Variants in UNC13A observed in about 807,000 individuals in gnomAD.
UNC13A encodes protein unc-13 homolog A.
Under a neutral mutation model 219.7 loss-of-function variants are expected in UNC13A, and 61 were observed. The observed-to-expected ratio is 0.28, with a 90% CI of 0.23 to 0.34. UNC13A has a LOEUF of 0.34. Ranked by LOEUF, UNC13A falls within the 10% of genes least tolerant of loss-of-function variation. The probability of loss-of-function intolerance (pLI) is 1.00; values close to 1 mark genes in which losing one functional copy is unlikely to be tolerated. For missense variants in UNC13A, 1,476 were observed against 2,270.3 expected (o/e 0.65, Z 7.11); for synonymous variants, 920 against 884.6 (o/e 1.04, Z -0.71).
At chr19:17,624,124 T>C (rs1283440126) in intron 35 of UNC13A, among the ~76,000 whole-genome samples, 1 of 148,922 alleles carries the variant, frequency 6.7e-6, no homozygotes, top group Non-Finnish European at 1.5e-5. Flanking sequence ...TGCCTTCTCT[T>C]TTTTTTTTTT....
chr19:17,647,166 C>T (rs924747234), intron 17 of UNC13A, 99 bp downstream of exon 17: 6 of 1,130,986 alleles, frequency 5.3e-6, no homozygotes, highest in Middle Eastern at 3.0e-4. Context: ...CGAGTGAGTG[C>T]GCGCTGCAAA....
At chr19:17,626,469 A>T in intron 34 of UNC13A, 164 bp downstream of exon 34, 1 of 677,352 alleles carries the variant, frequency 1.5e-6, no homozygotes, top group Non-Finnish European at 2.3e-6. Flanking sequence ...TTATTTACCC[A>T]CCCAACTTTC....
rs527945586 is a variant in UNC13A, at chr19:17,617,712, T to C, written c.4548A>G (p.Gln1516=). Residue 1516 remains glutamine (Q), a synonymous_variant, in exon 41 of 44, where the codon CAA becomes CAG. Coordinates refer to ENST00000519716, the MANE Select transcript of UNC13A (RefSeq NM_001080421.3). ...TCTGGGTACCCTTACCCTGGGCCGATTGCGTCTGTACAAAGGTCTTGATTA... is the reference window on the plus strand; with the variant it reads ...TCTGGGTACCCTTACCCTGGGCCGACTGCGTCTGTACAAAGGTCTTGATTA... The part of the protein sequence containing the change: ...DLLIKTFVQT[Q]SAQGLGVEDP... 5.2e-5 allele frequency: 84 copies of C among 1,613,734 alleles called. No homozygotes were observed. The highest frequency in any genetic ancestry group is 3.8e-4 in the East Asian group (17 of 44,872).
rs1459988276 is a variant in UNC13A, at chr19:17,606,182, C to T, written c.4984G>A (p.Asp1662Asn). 4 of 1,566,580 alleles carry T rather than the reference C, an allele frequency of 2.6e-6. No homozygotes were observed. The highest frequency in any genetic ancestry group is 3.5e-6 in the Non-Finnish European group (4 of 1,157,628). The change falls in exon 44 of 44, where the codon GAC becomes AAC. Residue 1662 changes from aspartate (D) to asparagine (N), a missense_variant. Coordinates refer to ENST00000519716, the MANE Select transcript of UNC13A (RefSeq NM_001080421.3). ...CGCAGCACCGTGAGGCCCGTGTCGT[C>T]CATGTGGATGCGGCGGCCGAGCGGC... ...WLPLGRRIHM[D>N]DTGLTVLRIL... is the part of the protein sequence containing the mutation.
intron 1 of UNC13A, among the ~76,000 whole-genome samples, chr19:17,683,142 G>A (rs977604848): frequency 6.6e-6 from 1 of 152,132 alleles, no homozygotes; most frequent in African/African-American, 2.4e-5. Flanking sequence ...GGCTGTCTCC[G>A]AGGTCCTGGG....
chr19:17,616,507 A>C, intron 41 of UNC13A: 1 of 471,838 alleles, frequency 2.1e-6, no homozygotes, highest in Non-Finnish European at 4.1e-6. Flanking sequence ...GGTGGGAAGC[A>C]TGGGGAGCGG....
At chr19:17,616,481 G>A (rs775008231) in intron 41 of UNC13A, 1 of 679,772 alleles carries the variant, frequency 1.5e-6, no homozygotes, top group Non-Finnish European at 2.7e-6. Context: ...GGGGGTGGGG[G>A]TGGAAGGGGG....
chr19:17,656,159 T>C lies in UNC13A; in HGVS notation c.1007A>G (p.Glu336Gly), dbSNP rs1265865889. 1 of 1,551,914 alleles carries C rather than the reference T, an allele frequency of 6.4e-7. No homozygotes were observed. The highest frequency in any genetic ancestry group is 2.0e-5 in the Admixed American group (1 of 50,968). The change falls in exon 10 of 44, where the codon GAG becomes GGG. Residue 336 changes from glutamate (E) to glycine (G), a missense_variant. Glu to Gly is a moderately conservative substitution (Grantham distance 98, BLOSUM62 -2). Coordinates refer to ENST00000519716, the MANE Select transcript of UNC13A (RefSeq NM_001080421.3). Reference sequence around the variant, plus strand: ...CAGCTCCTCCTCATCTTCAGGCAGCTCCTCCTCCTCCAGGAAGTCCTCCAG... The same window carrying C: ...CAGCTCCTCCTCATCTTCAGGCAGCCCCTCCTCCTCCAGGAAGTCCTCCAG... ...EDLEDFLEEE[E>G]LPEDEEELEE...
chr19:17,675,630 CAAAA>C (rs35996994), intron 2 of UNC13A, among the ~76,000 whole-genome samples: 2 of 127,656 alleles, frequency 1.6e-5, no homozygotes, highest in Admixed American at 8.5e-5. Context: ...GACTCTGTCT[CAAAA>C]AAAAAAAAAA....
intron 20 of UNC13A, among the ~76,000 whole-genome samples, chr19:17,642,426 C>T (rs891797507): frequency 1.3e-5 from 2 of 152,232 alleles, no homozygotes; most frequent in African/African-American, 4.8e-5. Flanking sequence ...ATCTCTCCAT[C>T]CATCCTTTTA....
At chr19:17,655,156 C>T (rs570863456) in intron 11 of UNC13A, 118 bp downstream of exon 11, 156 of 818,540 alleles carry the variant, frequency 1.9e-4, no homozygotes, top group African/African-American at 1.2e-3. Flanking sequence ...GGCTTGGGTA[C>T]GGGTGGGGTG....
Position 17,606,068 on chromosome 19 carries a change from C to T in UNC13A, c.5098G>A (p.Ala1700Thr), listed in dbSNP as rs372747454. 2 of 1,570,996 alleles carry T rather than the reference C, an allele frequency of 1.3e-6. No individual in the cohort carries two copies. Among genetic ancestry groups the T allele is most frequent in the Admixed American group, 1.8e-5 (1 of 54,960 alleles). ...GACCGCCCGCGCTAAGGCGCAGGCG[C>T]GGCACCGCCCTCCTCGGCGGAGCGC... ...DTRSAEEGGA[A>T]PAP The change falls in exon 44 of 44, where the codon GCG becomes ACG. Residue 1700 changes from alanine to threonine, a missense_variant. Coordinates refer to ENST00000519716, the MANE Select transcript of UNC13A (RefSeq NM_001080421.3).
chr19:17,677,104 G>A (rs1459091884), intron 1 of UNC13A, among the ~76,000 whole-genome samples: 1 of 152,050 alleles, frequency 6.6e-6, no homozygotes, highest in Admixed American at 6.6e-5. Context: ...CTTGTGGGAG[G>A]TGTAACCTGA....
intron 20 of UNC13A, 119 bp from the exon 21 acceptor site, chr19:17,641,675 T>G: frequency 9.5e-7 from 1 of 1,057,100 alleles, no homozygotes; most frequent in Non-Finnish European, 1.4e-6. Flanking sequence ...AATTCATTCA[T>G]CTACTCTTTT....
chr19:17,658,745 C>G (rs1018511420), intron 8 of UNC13A, among the ~76,000 whole-genome samples: 1 of 152,120 alleles, frequency 6.6e-6, no homozygotes, highest in African/African-American at 2.4e-5. Flanking sequence ...CTGAGGGTGA[C>G]GACCCCAGAC....
At chr19:17,664,325 T>C (rs1438971925) in intron 7 of UNC13A, among the ~76,000 whole-genome samples, 1 of 152,172 alleles carries the variant, frequency 6.6e-6, no homozygotes, top group Non-Finnish European at 1.5e-5. Context: ...TGGGTGAAAC[T>C]ATGGGGCTCA....
intron 30 of UNC13A, 42 bp downstream of exon 30, chr19:17,630,103 T>G: frequency 6.5e-7 from 1 of 1,547,538 alleles, no homozygotes; most frequent in Non-Finnish European, 8.7e-7. Flanking sequence ...TCCCTAACCC[T>G]GACCCTGTCC....
chr19:17,646,109 C>T lies in UNC13A; in HGVS notation c.2047G>A (p.Val683Ile), dbSNP rs769655510. 3.1e-6 allele frequency: 5 copies of T among 1,613,684 alleles called. No homozygotes were observed. The highest frequency in any genetic ancestry group is 1.1e-5 in the South Asian group (1 of 91,068). The change falls in exon 18 of 44, where the codon GTC becomes ATC. Residue 683 changes from valine (V) to isoleucine (I), a missense_variant and splice_region_variant. Val to Ile is a conservative substitution (Grantham distance 29). Coordinates refer to ENST00000519716, the MANE Select transcript of UNC13A (RefSeq NM_001080421.3). ...TTTGCCTGCAAGCCCTGGGCGCAGA[C>T]CACTGGAAGACACAGAGGGCATACA... ...KWSAKISITV[V>I]CAQGLQAKDK... is the part of the protein sequence containing the mutation.
chr19:17,672,873 G>A (rs1416061665), intron 3 of UNC13A, among the ~76,000 whole-genome samples: 1 of 152,028 alleles, frequency 6.6e-6, no homozygotes, highest in African/African-American at 2.4e-5. Flanking sequence ...TACAGGATAA[G>A]GACATTCGGG....
Sources: gnomAD v4.1 joint callset for allele counts (sites outside exome capture counted in the v4.1 genomes callset) on GRCh38, gnomAD v4.1.1 for gene constraint, MANE v1.5 for transcripts, NCBI Gene and HGNC (gene_info 2026-07-23, HGNC 2026-07-21) for gene names.